MCM9: variants seen among roughly 807,000 people sequenced by gnomAD.
MCM9 encodes minichromosome maintenance 9 homologous recombination repair factor.
MCM9 carries 55 observed loss-of-function variants against 72.8 expected under a neutral mutation model. The observed-to-expected ratio is 0.76, with a 90% confidence interval of 0.61 to 0.95. MCM9 has a LOEUF of 0.95. Among genes scored for constraint, MCM9 ranks in the 40% least tolerant of loss-of-function variants. The pLI is 0.00. For synonymous variants in MCM9, 480 were observed against 503.4 expected, an observed-to-expected ratio of 0.95 and a Z score of 0.62; for missense variants, 1,279 against 1,377.0, an observed-to-expected ratio of 0.93 and a Z score of 1.13.
intron 8 of MCM9, among the ~76,000 whole-genome samples, chr6:118,896,232 C>T (rs868248070): frequency 4.6e-5 from 7 of 152,026 alleles, no homozygotes; most frequent in Non-Finnish European, 8.8e-5. Flanking sequence ...AGCATTGCAG[C>T]TACCAGGCCC....
chr6:118,842,909 TAATTA>T (rs1020808195), intron 9 of MCM9, among the ~76,000 whole-genome samples: 5 of 152,150 alleles, frequency 3.3e-5, no homozygotes, highest in Non-Finnish European at 5.9e-5. Context: ...AAAATTTAAG[TAATTA>T]AATTCCCAAA....
At chr6:118,881,673 T>C (rs1448314007) in intron 8 of MCM9, among the ~76,000 whole-genome samples, 1 of 152,228 alleles carries the variant, frequency 6.6e-6, no homozygotes, top group Admixed American at 6.5e-5. Context: ...GCAATGGCAG[T>C]GTGAGGAGCT....
intron 6 of MCM9, among the ~76,000 whole-genome samples, chr6:118,914,577 T>C (rs573615573): frequency 6.6e-6 from 1 of 152,152 alleles, no homozygotes; most frequent in East Asian, 1.9e-4. Flanking sequence ...GCTGAAGGAA[T>C]CCCTCCCTGT....
intron 8 of MCM9, among the ~76,000 whole-genome samples, chr6:118,871,934 A>T (rs1455702277): frequency 6.6e-6 from 1 of 152,140 alleles, no homozygotes; most frequent in East Asian, 1.9e-4. Context: ...CAAACAAAAG[A>T]CCACATTCTG....
At chr6:118,911,317 T>C in intron 8 of MCM9, 2 of 1,033,654 alleles carry the variant, frequency 1.9e-6, no homozygotes, top group Non-Finnish European at 1.2e-6. Flanking sequence ...TAAAGTGAAA[T>C]ATCCCCCTCT....
chr6:118,855,084 C>A (rs979470271), intron 9 of MCM9, among the ~76,000 whole-genome samples: 2 of 152,120 alleles, frequency 1.3e-5, no homozygotes, highest in African/African-American at 4.8e-5. Flanking sequence ...ACTGCCTGGC[C>A]TTTTGGTGCA....
intron 8 of MCM9, among the ~76,000 whole-genome samples, chr6:118,899,671 G>A (rs1032818049): frequency 6.6e-6 from 1 of 152,162 alleles, no homozygotes; most frequent in Non-Finnish European, 1.5e-5. Flanking sequence ...GCTTTCAGTT[G>A]ATTGTAGTTT....
intron 7 of MCM9, 31 bp downstream of exon 7, chr6:118,913,264 T>C: frequency 6.2e-7 from 1 of 1,610,624 alleles, no homozygotes; most frequent in Non-Finnish European, 8.5e-7. Flanking sequence ...CATGTGTCAA[T>C]ATTACTCAAA....
intron 8 of MCM9, among the ~76,000 whole-genome samples, chr6:118,858,949 A>G (rs891411397): frequency 2.0e-5 from 3 of 152,210 alleles, no homozygotes; most frequent in Non-Finnish European, 4.4e-5. Flanking sequence ...TATGATTTAT[A>G]TAGAGAAGCA....
intron 9 of MCM9, among the ~76,000 whole-genome samples, chr6:118,838,156 ATTCT>A (rs1775091543): frequency 7.1e-6 from 1 of 141,114 alleles, no homozygotes; most frequent in Non-Finnish European, 1.5e-5. Flanking sequence ...TGGGTTGAAA[ATTCT>A]TTTTTTTTTT....
intron 8 of MCM9, among the ~76,000 whole-genome samples, chr6:118,904,998 C>T (rs867917375): frequency 3.0e-4 from 46 of 152,220 alleles, no homozygotes; most frequent in African/African-American, 1.0e-3. Context: ...CCACCATGCC[C>T]AGCTAATTTT....
chr6:118,826,525 A>T lies in MCM9; in HGVS notation c.1816-233T>A, dbSNP rs181445797. On this transcript the variant is annotated intron_variant, in intron 12 of 13. Coordinates refer to ENST00000619706, the MANE Select transcript of MCM9 (RefSeq NM_017696.3). ...CACTGGTGGGCTATGAACATCTCTC[A>T]GGTGTGTTGAGGAAAAAAACGATCG... Among the ~76,000 whole-genome samples the T allele has an allele frequency of 4.6e-5, 7 of 152,196 alleles. No homozygotes were observed. The East Asian group carries it at 1.4e-3, about 29-fold the overall frequency.
At chr6:118,900,729 C>T (rs765386913) in intron 8 of MCM9, 6 of 1,380,666 alleles carry the variant, frequency 4.3e-6, no homozygotes, top group Non-Finnish European at 2.1e-6. Flanking sequence ...AATGTAATTA[C>T]TGAATATGAA....
At chr6:118,816,692 G>T (rs1773429463) in intron 13 of MCM9, among the ~76,000 whole-genome samples, 1 of 152,184 alleles carries the variant, frequency 6.6e-6, no homozygotes, top group Non-Finnish European at 1.5e-5. Context: ...GTAGCTGATT[G>T]CTGACCAAGT....
At position 118,931,656 on chromosome 6, in the gene MCM9, T is replaced by C; in HGVS notation, c.68A>G (p.Asn23Ser). 2 of 1,614,152 alleles carry C rather than the reference T, an allele frequency of 1.2e-6. No individual in the cohort carries two copies. Among genetic ancestry groups the C allele is most frequent in the South Asian group, 2.2e-5 (2 of 91,080 alleles). ...FESYVSEYHK[N>S]DILLILKERD... is the part of the protein sequence containing the mutation. ...TTCCTTCAAGATTAGAAGAATATCA[T>C]TCTTATGGTATTCCGAAACATATGA... The change falls in exon 3 of 14, where the codon AAT becomes AGT. Residue 23 changes from asparagine to serine, a missense_variant. Asn to Ser is a conservative substitution (Grantham distance 46). Transcript: ENST00000619706.
intron 12 of MCM9, 127 bp downstream of exon 12, chr6:118,826,655 T>G: frequency 1.4e-6 from 1 of 700,026 alleles, no homozygotes; most frequent in Non-Finnish European, 2.4e-6. Context: ...TTGGATATAT[T>G]TCCAGGAATT....
At chr6:118,888,253 G>A (rs1778721555) in intron 8 of MCM9, among the ~76,000 whole-genome samples, 1 of 152,190 alleles carries the variant, frequency 6.6e-6, no homozygotes, top group Non-Finnish European at 1.5e-5. Context: ...TTGGGAGGCA[G>A]AGGTGGGCGG....
At chr6:118,907,595 C>G in intron 8 of MCM9, 1 of 1,613,308 alleles carries the variant, frequency 6.2e-7, no homozygotes, top group African/African-American at 1.3e-5. Context: ...ATGTTAGAAT[C>G]CCACATGGAC....
intron 9 of MCM9, among the ~76,000 whole-genome samples, chr6:118,855,893 C>CA (rs1269284986): frequency 6.6e-6 from 1 of 152,188 alleles, no homozygotes; most frequent in Non-Finnish European, 1.5e-5. Flanking sequence ...CTTTGAATCA[C>CA]AAAAGGCATT....
Sources: allele counts gnomAD v4.1 joint callset (sites outside exome capture counted in the v4.1 genomes callset), GRCh38; gene constraint gnomAD v4.1.1; transcripts MANE v1.5; gene names NCBI Gene and HGNC (gene_info 2026-07-23, HGNC 2026-07-21).